METRNL: variants seen among roughly 807,000 people sequenced by gnomAD.
METRNL encodes meteorin-like protein.
A neutral mutation model predicts 17.4 loss-of-function variants in METRNL; 9 were observed. That is an observed-to-expected ratio of 0.52 (90% CI 0.31 to 0.90). The LOEUF (loss-of-function observed/expected upper bound fraction) is 0.90, where lower values mean the gene tolerates loss of function less well. METRNL is among the 40% of genes least tolerant of loss of function. The probability of loss-of-function intolerance (pLI) is 0.05; values close to 1 mark genes in which losing one functional copy is unlikely to be tolerated. For synonymous variants in METRNL, 215 were observed against 199.3 expected, an observed-to-expected ratio of 1.08 and a Z score of -0.66; for missense variants, 408 against 430.7, an observed-to-expected ratio of 0.95 and a Z score of 0.47.
intron 2 of METRNL, among the ~76,000 whole-genome samples, chr17:83,086,305 G>A (rs149563110): frequency 2.0e-5 from 3 of 152,194 alleles, no homozygotes; most frequent in Admixed American, 6.5e-5. Context: ...GTGTAGGACC[G>A]TCTGCCTGGA....
intron 2 of METRNL, among the ~76,000 whole-genome samples, chr17:83,090,628 G>T (rs1258254474): frequency 2.7e-5 from 4 of 149,598 alleles, no homozygotes; most frequent in Admixed American, 2.0e-4. Context: ...CTGCCCAGCC[G>T]GAGGGTGCTG....
chr17:83,081,847 C>T (rs1447832342), intron 1 of METRNL, among the ~76,000 whole-genome samples: 3 of 152,212 alleles, frequency 2.0e-5, no homozygotes, highest in Non-Finnish European at 2.9e-5. Context: ...GATCCACACA[C>T]GTCACGAATC....
intron 2 of METRNL, among the ~76,000 whole-genome samples, chr17:83,089,327 T>C (rs138183880): frequency 0.019 from 2,860 of 152,152 alleles, 92 homozygotes; most frequent in African/African-American, 0.065. Flanking sequence ...TCACCACCTG[T>C]GTGGGAGACC....
rs773182627 is a variant in METRNL, at chr17:83,079,933, C to T, written c.118C>T (p.Leu40=). 2.6e-5 allele frequency: 26 copies of T among 1,009,682 alleles called. No individual in the cohort carries two copies. In the East Asian group the frequency reaches 2.6e-3, roughly 100 times the overall value. The allele number at this position is 1,009,682 out of a possible 1,614,324, so 62.5% of individuals were successfully genotyped here. The change falls in exon 1 of 4, where the codon CTG becomes TTG. Residue 40 remains leucine, a synonymous_variant. Transcript: ENST00000320095. ...GCTGCTCCTGCTCCTGGCCGGGCTGCTGGGCGGCGCGGGCGCGCAGTACTC... is the reference window on the plus strand; with the variant it reads ...GCTGCTCCTGCTCCTGGCCGGGCTGTTGGGCGGCGCGGGCGCGCAGTACTC... ...PLLLLLLAGL[L]GGAGAQYSSD...
At chr17:83,080,478 G>A (rs1412036996) in intron 1 of METRNL, among the ~76,000 whole-genome samples, 3 of 149,890 alleles carry the variant, frequency 2.0e-5, no homozygotes, top group African/African-American at 7.3e-5. Context: ...CCTGTGAGCC[G>A]GGCCGAGTGT....
In METRNL at chr17:83,079,773, G is replaced by A. The variant is rs987552464; in HGVS notation, c.-43G>A. 355 of 948,050 alleles carry A rather than the reference G, an allele frequency of 3.7e-4. No homozygotes were observed. Among genetic ancestry groups the A allele is most frequent in the Middle Eastern group, 5.4e-4 (1 of 1,844 alleles). The allele number at this position is 948,050 out of a possible 1,614,324, so 58.7% of individuals were successfully genotyped here. The stretch of plus-strand genomic sequence containing the variant: ...TCGCCGGCTCCGGGGTCTGCTCCGG[G>A]GGTCGCGGACGCGGGGCCGGGCGGC... On this transcript the variant is annotated 5_prime_UTR_variant, in exon 1 of 4. Transcript: ENST00000320095.
chr17:83,090,128 G>A (rs2143641752), intron 2 of METRNL, among the ~76,000 whole-genome samples: 1 of 150,950 alleles, frequency 6.6e-6, no homozygotes, highest in South Asian at 2.1e-4. Flanking sequence ...CCCCAGGGTG[G>A]GAGCCACACA....
intron 2 of METRNL, among the ~76,000 whole-genome samples, chr17:83,090,175 T>C (rs7502844): frequency 0.7 from 26,264 of 37,668 alleles, 8,063 homozygotes; most frequent in East Asian, 0.85. Flanking sequence ...CACACACCCC[T>C]GCCCCGCCCC....
intron 1 of METRNL, among the ~76,000 whole-genome samples, chr17:83,080,565 A>AC (rs1161469227): frequency 0.035 from 779 of 21,980 alleles, 101 homozygotes; most frequent in East Asian, 0.14. Context: ...GCGCTGGGCG[A>AC]CCCCCCCCCC....
At position 83,080,175 on chromosome 17, in the gene METRNL, T is replaced by G. The variant is rs550605213; in HGVS notation, c.170+190T>G. On this transcript the variant is annotated intron_variant, in intron 1 of 3. Transcript: ENST00000320095. ...TTCTAGAACAAAAGAGCCCGCGGCGTCCCGGTTCCCGGCCCGGAGGACGCC... is the reference window on the plus strand; with the variant it reads ...TTCTAGAACAAAAGAGCCCGCGGCGGCCCGGTTCCCGGCCCGGAGGACGCC... 1.6e-3 allele frequency: 306 copies of G among 185,702 alleles called. 1 individual carries two copies. Among genetic ancestry groups the G allele is most frequent in the African/African-American group, 7.0e-3 (293 of 41,730 alleles). The allele number at this position is 185,702 out of a possible 1,614,324, so 11.5% of individuals were successfully genotyped here.
intron 1 of METRNL, 95 bp from the exon 2 acceptor site, chr17:83,084,843 T>G: frequency 1.4e-6 from 2 of 1,475,528 alleles, no homozygotes; most frequent in Non-Finnish European, 9.1e-7. Context: ...CCGCCATCAT[T>G]TGGAGCGGGT....
At position 83,093,179 on chromosome 17, in the gene METRNL, C is replaced by G; in HGVS notation, c.569C>G (p.Pro190Arg). The G allele has an allele frequency of 2.5e-6, 4 of 1,608,166 alleles. No homozygotes were observed. Among genetic ancestry groups the G allele is most frequent in the Non-Finnish European group, 3.4e-6 (4 of 1,179,878 alleles). The part of the protein sequence containing the change: ...DLHELSAPCR[P>R]CSDTEVLLAV... ...CTTTCTTCTCCAGCGCCGTGCCGTCCCTGCAGTGACACCGAGGTGCTCCTA... is the reference window on the plus strand; with the variant it reads ...CTTTCTTCTCCAGCGCCGTGCCGTCGCTGCAGTGACACCGAGGTGCTCCTA... The change falls in exon 3 of 4, where the codon CCC becomes CGC. Residue 190 changes from proline (P) to arginine (R), a missense_variant. Coordinates refer to ENST00000320095, the MANE Select transcript of METRNL (RefSeq NM_001004431.3).
At chr17:83,084,709 T>C in intron 1 of METRNL, 1 of 515,310 alleles carries the variant, frequency 1.9e-6, no homozygotes, top group South Asian at 2.4e-5. Flanking sequence ...CCATGGCTCT[T>C]GGTGCAGGTG....
At position 83,094,746 on chromosome 17, in the gene METRNL, G is replaced by A. The variant is rs1381125852; in HGVS notation, c.*171G>A. The stretch of plus-strand genomic sequence containing the variant: ...GTTCTCGCCACACTCAACCCCATGA[G>A]CTTCCAGCCAAGGATGCCCTGGCCG... On this transcript the variant is annotated 3_prime_UTR_variant, in exon 4 of 4. Transcript: ENST00000320095. The A allele has an allele frequency of 2.3e-6, 1 of 436,624 alleles. No individual in the cohort carries two copies. The highest frequency in any genetic ancestry group is 2.0e-5 in the African/African-American group (1 of 49,288). 27.0% of individuals were successfully genotyped at this position (436,624 alleles called of 1,614,324 possible).
At chr17:83,081,231 C>A (rs560208898) in intron 1 of METRNL, among the ~76,000 whole-genome samples, 1 of 152,022 alleles carries the variant, frequency 6.6e-6, no homozygotes, top group Non-Finnish European at 1.5e-5. Context: ...CCGAGGCCGA[C>A]GGCTCTTCTG....
chr17:83,081,884 G>A (rs546124454), intron 1 of METRNL, among the ~76,000 whole-genome samples: 2 of 152,286 alleles, frequency 1.3e-5, no homozygotes, highest in Admixed American at 6.5e-5. Flanking sequence ...TGTGGAAACC[G>A]GAGTGCGCTG....
intron 1 of METRNL, chr17:83,084,569 T>G: frequency 8.2e-6 from 2 of 243,866 alleles, no homozygotes; most frequent in African/African-American, 2.4e-5. Context: ...GCCACCCTGA[T>G]TCAGGGACAT....
chr17:83,091,848 G>A (rs2038141194), intron 2 of METRNL, among the ~76,000 whole-genome samples: 1 of 152,238 alleles, frequency 6.6e-6, no homozygotes, highest in Non-Finnish European at 1.5e-5. Flanking sequence ...TAGGAGACTT[G>A]GGGCCAAAAC....
chr17:83,081,145 C>A (rs1042151928), intron 1 of METRNL, among the ~76,000 whole-genome samples: 3 of 151,838 alleles, frequency 2.0e-5, no homozygotes, highest in Non-Finnish European at 4.4e-5. Flanking sequence ...CGGCCGCCTC[C>A]CTTCTCGGCC....
Sources: gnomAD v4.1 joint callset for allele counts (sites outside exome capture counted in the v4.1 genomes callset) on GRCh38, gnomAD v4.1.1 for gene constraint, MANE v1.5 for transcripts, NCBI Gene and HGNC (gene_info 2026-07-23, HGNC 2026-07-21) for gene names.